Variants in TMEM91 observed in about 807,000 individuals in gnomAD.
The protein encoded by TMEM91 is transmembrane protein 91.
TMEM91 carries 6 observed loss-of-function variants against 13.3 expected under a neutral mutation model. That is an observed-to-expected ratio of 0.45 (90% CI 0.25 to 0.89). TMEM91 has a LOEUF of 0.89. Among genes scored for constraint, TMEM91 ranks in the 40% least tolerant of loss-of-function variants. TMEM91 has a pLI of 0.19. For missense variants in TMEM91, 193 were observed against 228.7 expected (o/e 0.84, Z 1.01); for synonymous variants, 87 against 101.7 (o/e 0.86, Z 0.87).
intron 2 of TMEM91, among the ~76,000 whole-genome samples, chr19:41,379,255 A>T (rs2038812039): frequency 6.8e-6 from 1 of 146,450 alleles, no homozygotes; most frequent in African/African-American, 2.5e-5. Flanking sequence ...GCGAGGCAGG[A>T]GGACTGCCTC....
At chr19:41,374,946 G>T (rs1325914347), upstream of TMEM91, among the ~76,000 whole-genome samples, 1 of 152,136 alleles carries the variant, frequency 6.6e-6, no homozygotes, top group Admixed American at 6.6e-5. Flanking sequence ...TCACGCCATT[G>T]CCCTCCAGCC....
intron 1 of TMEM91, among the ~76,000 whole-genome samples, chr19:41,369,329 C>T (rs1437937435): frequency 1.3e-5 from 2 of 152,062 alleles, no homozygotes; most frequent in African/African-American, 2.4e-5. Context: ...AGGCACCTGC[C>T]GCCACGCCCA....
chr19:41,371,610 G>C (rs931586316), upstream of TMEM91, among the ~76,000 whole-genome samples: 7 of 151,558 alleles, frequency 4.6e-5, no homozygotes, highest in African/African-American at 1.5e-4. Flanking sequence ...AGTAGAGATG[G>C]GGTTTCACCA....
intron 1 of TMEM91, among the ~76,000 whole-genome samples, chr19:41,377,531 GGTAGGGGATGGGT>G (rs2038750537): frequency 6.6e-6 from 1 of 151,728 alleles, no homozygotes; most frequent in South Asian, 2.1e-4. Context: ...CAGCACTGGG[GGTAGGGGATGGGT>G]GTGTGTGTGA....
chr19:41,369,506 T>C (rs1476629223), intron 1 of TMEM91, among the ~76,000 whole-genome samples: 1 of 123,318 alleles, frequency 8.1e-6, no homozygotes, highest in Non-Finnish European at 1.6e-5. Context: ...ACTGCACCTC[T>C]AAAAAAAAAA....
Position 41,383,937 on chromosome 19 carries a change from G to C in TMEM91, c.*64G>C, listed in dbSNP as rs373909170. 3.8e-6 allele frequency: 6 copies of C among 1,571,204 alleles called. No individual in the cohort carries two copies. Among genetic ancestry groups the C allele is most frequent in the Non-Finnish European group, 4.3e-6 (5 of 1,164,320 alleles). ...AGCCCAGCAAATCTGTGGGCAGAGA[G>C]TGGAGAATCTTGGTGGATGAGGCTG... On this transcript the variant is annotated 3_prime_UTR_variant, in exon 4 of 4. Coordinates refer to ENST00000392002, the MANE Select transcript of TMEM91 (RefSeq NM_001098821.2).
At chr19:41,382,624 C>CGAA in intron 2 of TMEM91, 148 bp from the exon 3 acceptor site, 1 of 1,144,664 alleles carries the variant, frequency 8.7e-7, no homozygotes, top group Admixed American at 2.5e-5. Flanking sequence ...AAACAAACAC[C>CGAA]GAAAGCCCAT....
upstream of TMEM91, among the ~76,000 whole-genome samples, chr19:41,371,984 A>G (rs988344959): frequency 1.3e-5 from 2 of 151,478 alleles, no homozygotes; most frequent in Non-Finnish European, 2.9e-5. Flanking sequence ...TCAGCCTCCC[A>G]AGTAGCTAGG....
upstream of TMEM91, among the ~76,000 whole-genome samples, chr19:41,372,008 G>C (rs2038632335): frequency 6.6e-6 from 1 of 151,596 alleles, no homozygotes; most frequent in Non-Finnish European, 1.5e-5. Flanking sequence ...ACAGGTGTGT[G>C]CCACCGTGCT....
upstream of TMEM91, among the ~76,000 whole-genome samples, chr19:41,374,921 T>C (rs2038682263): frequency 6.6e-6 from 1 of 152,076 alleles, no homozygotes; most frequent in African/African-American, 2.4e-5. Context: ...AGGCGGAGGT[T>C]GCGGTGAGCC....
chr19:41,367,328 C>T (rs2038543714), intron 1 of TMEM91, among the ~76,000 whole-genome samples: 1 of 151,486 alleles, frequency 6.6e-6, no homozygotes, highest in African/African-American at 2.4e-5. Context: ...TTTCTTTTTT[C>T]TTGAGATAAG....
At chr19:41,370,393 T>TTTTATTTATTTATTTA (rs60423207) in intron 1 of TMEM91, among the ~76,000 whole-genome samples, 12,744 of 142,928 alleles carry the variant, frequency 0.089, 784 homozygotes, top group East Asian at 0.19. Flanking sequence ...TTTATTTTTA[T>TTTTATTTATTTATTTA]TTTATTTATT....
upstream of TMEM91, among the ~76,000 whole-genome samples, chr19:41,373,062 C>A (rs1568490096): frequency 6.6e-6 from 1 of 152,088 alleles, no homozygotes; most frequent in Non-Finnish European, 1.5e-5. Flanking sequence ...TCTCAGTTTC[C>A]CGAGTAGCTT....
intron 1 of TMEM91, among the ~76,000 whole-genome samples, chr19:41,365,400 A>G (rs1281366281): frequency 1.3e-5 from 2 of 152,020 alleles, no homozygotes; most frequent in Admixed American, 1.3e-4. Context: ...TACCCTCGTT[A>G]TAATTTTGGT....
At chr19:41,368,129 AG>A (rs1480021954) in intron 1 of TMEM91, among the ~76,000 whole-genome samples, 1 of 152,142 alleles carries the variant, frequency 6.6e-6, no homozygotes, top group African/African-American at 2.4e-5. Flanking sequence ...AAAGTTGGCC[AG>A]GCCTGGTGGT....
intron 1 of TMEM91, among the ~76,000 whole-genome samples, chr19:41,369,719 A>G (rs1599920864): frequency 6.6e-6 from 1 of 151,176 alleles, no homozygotes; most frequent in East Asian, 2.0e-4. Flanking sequence ...GAGGCACGAG[A>G]ATCACTTGAA....
intron 2 of TMEM91, among the ~76,000 whole-genome samples, chr19:41,382,229 C>T (rs2038904866): frequency 6.6e-6 from 1 of 152,162 alleles, no homozygotes; most frequent in Non-Finnish European, 1.5e-5. Context: ...GATCCGTCAA[C>T]CCCTTGAAAA....
At chr19:41,382,207 C>T (rs907143222) in intron 2 of TMEM91, among the ~76,000 whole-genome samples, 8 of 152,272 alleles carry the variant, frequency 5.3e-5, no homozygotes, top group South Asian at 2.1e-4. Flanking sequence ...GCAATTGTAG[C>T]GTCCATGATT....
Position 41,382,910 on chromosome 19 carries a change from CT to C in TMEM91, c.350del (p.Leu117GlnfsTer44), listed in dbSNP as rs748211218. On this transcript the variant is annotated frameshift_variant, in exon 3 of 4. Coordinates refer to ENST00000392002, the MANE Select transcript of TMEM91 (RefSeq NM_001098821.2). LOFTEE classifies it high-confidence loss of function. ...GCCCGTTGGCATCGCTGCCTTCTGT[CT>C]AGCCCAGAAGGTCAGTCTGTGTGTG... ...FWPVGIAAFC[L>X]AQKTNKAWAK... 1 of 1,614,168 alleles carries C rather than the reference CT, an allele frequency of 6.2e-7. No individual in the cohort carries two copies. Among genetic ancestry groups the C allele is most frequent in the East Asian group, 2.2e-5 (1 of 44,882 alleles).
Sources: gnomAD v4.1 joint callset for allele counts (sites outside exome capture counted in the v4.1 genomes callset) on GRCh38, gnomAD v4.1.1 for gene constraint, MANE v1.5 for transcripts, NCBI Gene and HGNC (gene_info 2026-07-23, HGNC 2026-07-21) for gene names.